The following MARK3 variants were observed in gnomAD, a reference collection of about 807,000 sequenced individuals.
The protein encoded by MARK3 is MAP/microtubule affinity-regulating kinase 3.
MARK3 carries 46 observed loss-of-function variants against 90.1 expected under a neutral mutation model. The observed-to-expected ratio is 0.51, with a 90% CI of 0.40 to 0.65. The LOEUF (loss-of-function observed/expected upper bound fraction) is 0.65. Ranked by LOEUF, MARK3 falls within the 30% of genes least tolerant of loss-of-function variation. The pLI is 0.00. For synonymous variants in MARK3, 321 were observed against 332.6 expected (o/e 0.97, Z 0.38); for missense variants, 818 against 947.2 (o/e 0.86, Z 1.79).
chr14:103,388,375 G>A (rs2089974269), intron 1 of MARK3, among the ~76,000 whole-genome samples: 1 of 152,202 alleles, frequency 6.6e-6, no homozygotes, highest in African/African-American at 2.4e-5. Context: ...TCACAGTGTG[G>A]AGCCCTTGTG....
At chr14:103,482,581 G>C (rs2093846215) in intron 14 of MARK3, among the ~76,000 whole-genome samples, 1 of 151,922 alleles carries the variant, frequency 6.6e-6, no homozygotes, top group South Asian at 2.1e-4. Context: ...GCACTACCCA[G>C]CTCCTTCTGA....
intron 1 of MARK3, among the ~76,000 whole-genome samples, chr14:103,393,121 C>T (rs1446967758): frequency 6.6e-6 from 1 of 152,204 alleles, no homozygotes; most frequent in East Asian, 1.9e-4. Flanking sequence ...GCTGGGATTA[C>T]AGGTGCCTGT....
At chr14:103,465,512 C>A (rs777001592) in intron 7 of MARK3, 45 bp from the exon 8 acceptor site, 104 of 1,352,844 alleles carry the variant, frequency 7.7e-5, no homozygotes, top group Non-Finnish European at 1.1e-4. Context: ...AATTCTAATT[C>A]TATTTTGGCT....
At chr14:103,473,194 A>G (rs942224700) in intron 12 of MARK3, among the ~76,000 whole-genome samples, 1 of 152,188 alleles carries the variant, frequency 6.6e-6, no homozygotes, top group South Asian at 2.1e-4. Context: ...AAGGGAGAGT[A>G]AGAGGGAAGT....
chr14:103,471,048 C>T (rs1294392477), intron 12 of MARK3, among the ~76,000 whole-genome samples: 2 of 152,280 alleles, frequency 1.3e-5, no homozygotes, highest in Non-Finnish European at 2.9e-5. Context: ...GTGCTCCTAG[C>T]ATTTGTAGGT....
intron 1 of MARK3, among the ~76,000 whole-genome samples, chr14:103,389,220 C>A (rs1366407290): frequency 6.6e-6 from 1 of 151,572 alleles, no homozygotes; most frequent in Non-Finnish European, 1.5e-5. Flanking sequence ...AAAAATTAGC[C>A]GGGCGTGGTG....
chr14:103,503,066 G>C lies in MARK3; in HGVS notation c.2101G>C (p.Val701Leu). 6.2e-7 allele frequency: 1 copy of C among 1,614,224 alleles called. No homozygotes were observed. Among genetic ancestry groups the C allele is most frequent in the Non-Finnish European group, 8.5e-7 (1 of 1,180,054 alleles). Reference sequence around the variant, plus strand: ...GAGGGAGCGCTTCTTGCTCTTCTGCGTCCACGGAGATGGGCACGCGGAGAA... The same window carrying C: ...GAGGGAGCGCTTCTTGCTCTTCTGCCTCCACGGAGATGGGCACGCGGAGAA... ...EQRERFLLFCVHGDGHAENLV... is the reference protein window; with the variant it reads ...EQRERFLLFCLHGDGHAENLV... Residue 701 changes from valine (V) to leucine (L), a missense_variant, in exon 18 of 18, where the codon GTC becomes CTC. Coordinates refer to ENST00000429436, the MANE Select transcript of MARK3 (RefSeq NM_001128918.3).
chr14:103,416,586 C>A (rs2091952696), intron 2 of MARK3, among the ~76,000 whole-genome samples: 1 of 152,178 alleles, frequency 6.6e-6, no homozygotes, highest in African/African-American at 2.4e-5. Context: ...GCCTGGCCAA[C>A]ATGGTGAAAC....
Position 103,412,460 on chromosome 14 carries a change from G to A in MARK3, c.243+7193G>A, listed in dbSNP as rs749295598. ...AGCCAAAAATGCATCATACTTCTTG[G>A]CCAGCTTCTTGACCAGATTCTTATT... On this transcript the variant is annotated intron_variant, in intron 2 of 17. Coordinates refer to ENST00000429436, the MANE Select transcript of MARK3 (RefSeq NM_001128918.3). The A allele has an allele frequency of 7.4e-6, 4 of 539,344 alleles. No homozygotes were observed. In the East Asian group the frequency reaches 1.5e-4, roughly 20 times the overall value. 33.4% of individuals were successfully genotyped at this position (539,344 alleles called of 1,614,324 possible). A position where few individuals can be genotyped will look rare whatever the true frequency, so the allele number is the denominator to read the frequency against.
chr14:103,397,536 A>G (rs924651881), intron 1 of MARK3, among the ~76,000 whole-genome samples: 3 of 152,036 alleles, frequency 2.0e-5, no homozygotes, highest in African/African-American at 7.2e-5. Flanking sequence ...CATATTGGCC[A>G]GGCTGGTCTC....
At chr14:103,452,108 G>T in intron 5 of MARK3, 125 bp downstream of exon 5, 1 of 593,472 alleles carries the variant, frequency 1.7e-6, no homozygotes, top group Non-Finnish European at 2.9e-6. Flanking sequence ...AATACGCTAG[G>T]ATGAGAGTCG....
intron 14 of MARK3, among the ~76,000 whole-genome samples, chr14:103,486,338 C>G (rs902184378): frequency 6.6e-5 from 10 of 151,962 alleles, no homozygotes; most frequent in African/African-American, 2.4e-4. Flanking sequence ...ATTTGGGAGG[C>G]TGAGGCAGGA....
rs1258834864 is a variant in MARK3, at chr14:103,385,954, A to C, written c.-76A>C. On this transcript the variant is annotated 5_prime_UTR_variant, in exon 1 of 18. Transcript: ENST00000429436. ...TTTCGGAACTGCCGTGGACTCGAGGACGCTGGTCGCCGGCCTCCTAGGGCT... is the reference window on the plus strand; with the variant it reads ...TTTCGGAACTGCCGTGGACTCGAGGCCGCTGGTCGCCGGCCTCCTAGGGCT... 8.1e-7 allele frequency: 1 copy of C among 1,227,720 alleles called. No individual in the cohort carries two copies. Among genetic ancestry groups the C allele is most frequent in the Non-Finnish European group, 1.2e-6 (1 of 829,146 alleles). 76.1% of individuals were successfully genotyped at this position (1,227,720 alleles called of 1,614,324 possible).
At chr14:103,500,276 G>A (rs1199606086) in intron 17 of MARK3, 76 bp downstream of exon 17, 2 of 1,094,224 alleles carry the variant, frequency 1.8e-6, no homozygotes, top group African/African-American at 3.2e-5. Flanking sequence ...ACTATTTTCT[G>A]AATGTTCCCT....
rs559704253 is a variant in MARK3 at position 103,491,030 on chromosome 14, G to A, written c.1587-747G>A. 19 of 1,288,572 alleles carry A rather than the reference G, an allele frequency of 1.5e-5. No homozygotes were observed. The East Asian group carries it at 6.7e-4, about 45-fold the overall frequency. The allele number at this position is 1,288,572 out of a possible 1,614,324, so 79.8% of individuals were successfully genotyped here. A position where few individuals can be genotyped will look rare whatever the true frequency, so the allele number is the denominator to read the frequency against. ...CCTGTCGGCTGAGACATCAGAAGTCGATGTCCATGTCAGCCTCTGGGCACC... is the reference window on the plus strand; with the variant it reads ...CCTGTCGGCTGAGACATCAGAAGTCAATGTCCATGTCAGCCTCTGGGCACC... On this transcript the variant is annotated intron_variant, in intron 14 of 17. Transcript: ENST00000429436.
At chr14:103,446,710 C>CTTTTTTTTTTTTTTTTTTTTTTTTT (rs746523547) in intron 3 of MARK3, among the ~76,000 whole-genome samples, 1 of 98,052 alleles carries the variant, frequency 1.0e-5, no homozygotes, top group Admixed American at 1.1e-4. Flanking sequence ...AGATTGTTGT[C>CTTTTTTTTTTTTTTTTTTTTTTTTT]TTTTTTTTTT....
intron 2 of MARK3, among the ~76,000 whole-genome samples, chr14:103,421,537 C>T (rs1287747453): frequency 6.6e-6 from 1 of 152,156 alleles, no homozygotes; most frequent in Non-Finnish European, 1.5e-5. Flanking sequence ...GTGACGAGTG[C>T]CTGGCTTAGC....
chr14:103,459,920 C>T (rs2093360706), intron 6 of MARK3, among the ~76,000 whole-genome samples: 1 of 151,818 alleles, frequency 6.6e-6, no homozygotes, highest in Admixed American at 6.6e-5. Flanking sequence ...ACACAAAGTA[C>T]ACTGTGTGTG....
chr14:103,453,418 C>T (rs1003350639), intron 5 of MARK3, among the ~76,000 whole-genome samples: 17 of 152,126 alleles, frequency 1.1e-4, no homozygotes, highest in Non-Finnish European at 1.9e-4. Context: ...GCACTTTGAT[C>T]CATGTTACAA....
Sources: allele counts gnomAD v4.1 joint callset (sites outside exome capture counted in the v4.1 genomes callset), GRCh38; gene constraint gnomAD v4.1.1; transcripts MANE v1.5; gene names NCBI Gene and HGNC (gene_info 2026-07-23, HGNC 2026-07-21).